Variants in ADAR observed in about 807,000 individuals in gnomAD.
ADAR encodes double-stranded RNA-specific adenosine deaminase.
ADAR carries 41 observed loss-of-function variants against 113.2 expected under a neutral mutation model. The ratio of observed to expected loss-of-function variants is 0.36; its 90% CI spans 0.28 to 0.47. The LOEUF (loss-of-function observed/expected upper bound fraction) is 0.47. Ranked by LOEUF, ADAR falls within the 20% of genes least tolerant of loss-of-function variation. The probability of loss-of-function intolerance (pLI) is 1.00; values close to 1 mark genes in which losing one functional copy is unlikely to be tolerated. For synonymous variants in ADAR, 605 were observed against 572.6 expected, an observed-to-expected ratio of 1.06 and a Z score of -0.81; for missense variants, 1,242 against 1,540.9, an observed-to-expected ratio of 0.81 and a Z score of 3.25.
At chr1:154,600,165 T>C (rs1697768884) in intron 2 of ADAR, 1 of 152,462 alleles carries the variant, frequency 6.6e-6, no homozygotes, top group Non-Finnish European at 1.5e-5. Flanking sequence ...TTTTCTTTTT[T>C]CTTTCTTTTT....
At chr1:154,607,612 G>C (rs995335372) in intron 1 of ADAR, among the ~76,000 whole-genome samples, 5 of 152,070 alleles carry the variant, frequency 3.3e-5, no homozygotes, top group African/African-American at 4.8e-5. Context: ...CTACTCAGAC[G>C]GGGGCGCATT....
In ADAR at chr1:154,585,197, G is replaced by A; in HGVS notation, c.3443+20C>T. 6.2e-7 allele frequency: 1 copy of A among 1,614,100 alleles called. No individual in the cohort carries two copies. The highest frequency in any genetic ancestry group is 8.5e-7 in the Non-Finnish European group (1 of 1,180,024). On this transcript the variant is annotated intron_variant, in intron 14 of 14. Coordinates refer to ENST00000368474, the MANE Select transcript of ADAR (RefSeq NM_001111.5). ...TCAGGGCAGAGGCTTGGTCCTCACT[G>A]CGCTCTCCTGTCTCCTTACCCATCC...
intron 6 of ADAR, among the ~76,000 whole-genome samples, chr1:154,594,698 G>A (rs1697382805): frequency 6.6e-6 from 1 of 152,312 alleles, no homozygotes; most frequent in South Asian, 2.1e-4. Context: ...ACTTTCTGGA[G>A]GGTAAGTGCA....
In ADAR at chr1:154,595,267, A is replaced by G. The variant is rs1377901020; in HGVS notation, c.2270+1538T>C. On this transcript the variant is annotated intron_variant, in intron 6 of 14. Transcript: ENST00000368474. ...TATTTTTATCATTATTTCAGCGTAT[A>G]CTCCTTCTACTTCTAGAAAAATAAG... is the stretch of plus-strand genomic sequence containing the variant. Among the ~76,000 whole-genome samples, 11 of 152,076 alleles carry G rather than the reference A, an allele frequency of 7.2e-5. No homozygotes were observed. In the East Asian group the frequency reaches 2.1e-3, roughly 29 times the overall value.
At chr1:154,593,031 G>A (rs1044164989) in intron 6 of ADAR, among the ~76,000 whole-genome samples, 1 of 150,208 alleles carries the variant, frequency 6.7e-6, no homozygotes, top group Non-Finnish European at 1.5e-5. Context: ...GCTACTCGAG[G>A]AGCTGAGGCA....
At position 154,601,017 on chromosome 1, in the gene ADAR, T is replaced by A. The variant is rs779509286; in HGVS notation, c.1601+24A>T. 2.5e-6 allele frequency: 4 copies of A among 1,613,792 alleles called. No homozygotes were observed. In the South Asian group the frequency reaches 4.4e-5, roughly 18 times the overall value. ...AAAAGCACCTGACCCCAACCCTAGG[T>A]ACAGTTCCTGGGTGGTCTCTTACCG... On this transcript the variant is annotated intron_variant, in intron 2 of 14. Transcript: ENST00000368474. The surrounding 1 kb of genome is among the most constrained non-coding windows in gnomAD (Gnocchi z 4.7).
upstream of ADAR, chr1:154,608,247 G>T (rs1698337122): frequency 3.8e-6 from 2 of 520,660 alleles, no homozygotes; most frequent in Non-Finnish European, 6.7e-6. Flanking sequence ...AAGAGGAGGG[G>T]CTTGAGCAAA....
chr1:154,602,158 A>T lies in ADAR; in HGVS notation c.484T>A (p.Ser162Thr). Reference protein sequence around the residue: ...EGKATTAHDLSGKLGTPKKEI... With the variant: ...EGKATTAHDLTGKLGTPKKEI... ...TTCTTCGGAGTCCCAAGTTTCCCAG[A>T]CAGATCATGTGCTGTGGTGGCCTTC... is the stretch of plus-strand genomic sequence containing the variant. Residue 162 changes from serine to threonine, a missense_variant, in exon 2 of 15, where the codon TCT (serine) becomes ACT (threonine). Transcript: ENST00000368474. The T allele has an allele frequency of 6.2e-7, 1 of 1,614,218 alleles. No individual in the cohort carries two copies. Among genetic ancestry groups the T allele is most frequent in the Non-Finnish European group, 8.5e-7 (1 of 1,180,040 alleles).
intron 6 of ADAR, among the ~76,000 whole-genome samples, chr1:154,593,653 G>C (rs1194474141): frequency 2.0e-5 from 3 of 152,208 alleles, no homozygotes; most frequent in Admixed American, 6.5e-5. Context: ...CAGCTGGAGG[G>C]AGACTGGGCC....
intron 12 of ADAR, 85 bp from the exon 13 acceptor site, chr1:154,585,950 A>G (rs1571049521): frequency 3.8e-6 from 5 of 1,326,840 alleles, no homozygotes; most frequent in East Asian, 2.4e-5. Flanking sequence ...TTTTGGAGGT[A>G]CAAGATATAG....
intron 2 of ADAR, among the ~76,000 whole-genome samples, chr1:154,599,527 G>A (rs1415220379): frequency 1.3e-5 from 2 of 152,138 alleles, no homozygotes; most frequent in African/African-American, 4.8e-5. Context: ...TTTCTTAACC[G>A]CTCTCCTGAA....
At chr1:154,590,669 A>G (rs961112293) in intron 6 of ADAR, among the ~76,000 whole-genome samples, 2 of 152,144 alleles carry the variant, frequency 1.3e-5, no homozygotes, top group East Asian at 3.9e-4. Context: ...TGTGGCTCAC[A>G]CCTGTAATCC....
intron 8 of ADAR, 75 bp from the exon 9 acceptor site, chr1:154,589,537 T>G: frequency 7.1e-7 from 1 of 1,416,510 alleles, no homozygotes; most frequent in Non-Finnish European, 9.9e-7. Flanking sequence ...CTATTTGTTC[T>G]GAAAGCTTCA....
At chr1:154,597,021 G>A in intron 5 of ADAR, 26 bp from the exon 6 acceptor site, 2 of 1,614,086 alleles carry the variant, frequency 1.2e-6, no homozygotes, top group Non-Finnish European at 1.7e-6. Context: ...TCAAACAGAG[G>A]AGCCATAAAC....
chr1:154,595,139 CCTGT>C (rs534447692), intron 6 of ADAR, among the ~76,000 whole-genome samples: 29 of 152,340 alleles, frequency 1.9e-4, no homozygotes, highest in African/African-American at 6.7e-4. Flanking sequence ...AGCTCCGCCT[CCTGT>C]GGGATCAGCA....
At chr1:154,606,981 A>C (rs941027476) in intron 1 of ADAR, among the ~76,000 whole-genome samples, 1 of 151,784 alleles carries the variant, frequency 6.6e-6, no homozygotes, top group African/African-American at 2.4e-5. Flanking sequence ...TGAGGTATAT[A>C]ATTTAGATAC....
chr1:154,597,469 C>T (rs562711529), intron 4 of ADAR, among the ~76,000 whole-genome samples: 49 of 152,316 alleles, frequency 3.2e-4, no homozygotes, highest in African/African-American at 1.2e-3. Context: ...ATTTAAGCAT[C>T]AACCTAGTTT....
chr1:154,585,228 G>A lies in ADAR; in HGVS notation c.3432C>T (p.Gly1144=). The A allele has an allele frequency of 1.2e-6, 2 of 1,614,146 alleles. No individual in the cohort carries two copies. Among genetic ancestry groups the A allele is most frequent in the African/African-American group, 1.3e-5 (1 of 75,024 alleles). ...TCCTGTCTCCTTACCCATCCACAGTGCCTCTGGTACCGTCCAGGATCTCCA... is the reference window on the plus strand; with the variant it reads ...TCCTGTCTCCTTACCCATCCACAGTACCTCTGGTACCGTCCAGGATCTCCA... The part of the protein sequence containing the change: ...YDLEILDGTR[G]TVDGPRNELS... Residue 1144 remains glycine, a synonymous_variant, in exon 14 of 15, where the codon GGC becomes GGT. Transcript: ENST00000368474.
chr1:154,584,930 T>C lies in ADAR; in HGVS notation c.3557A>G (p.Lys1186Arg). Residue 1186 changes from lysine (K) to arginine (R), a missense_variant, in exon 15 of 15, where the codon AAG becomes AGG. Around this residue, in one of 2 missense-constraint regions of ADAR, gnomAD observed 780 missense variants for 1,057.9 expected, o/e 0.74. Transcript: ENST00000368474. The stretch of plus-strand genomic sequence containing the variant: ...CGTCTCGTAGTCACGGGCAGCTTTC[T>C]TGGCCTCACCATAGGAGAGTCTCAG... Reference protein sequence around the residue: ...DLLRLSYGEAKKAARDYETAK... With the variant: ...DLLRLSYGEARKAARDYETAK... 2 of 1,614,224 alleles carry C rather than the reference T, an allele frequency of 1.2e-6. No individual in the cohort carries two copies. The highest frequency in any genetic ancestry group is 1.7e-5 in the Admixed American group (1 of 60,032).
Sources: allele counts gnomAD v4.1 joint callset (sites outside exome capture counted in the v4.1 genomes callset), GRCh38; gene constraint gnomAD v4.1.1; regional missense constraint gnomAD v4.1.1; non-coding constraint Gnocchi (gnomAD v3.1); transcripts MANE v1.5; gene names NCBI Gene and HGNC (gene_info 2026-07-23, HGNC 2026-07-21).